PPWD1: variants seen among roughly 807,000 people sequenced by gnomAD.
PPWD1 encodes the protein peptidylprolyl isomerase domain and WD repeat containing 1.
Under a neutral mutation model 68.8 loss-of-function variants are expected in PPWD1, and 43 were observed. The observed-to-expected ratio is 0.62, with a 90% CI of 0.49 to 0.81. PPWD1 has a LOEUF of 0.81. Ranked by LOEUF, PPWD1 falls within the 30% of genes least tolerant of loss-of-function variation. The pLI is 0.00. For synonymous variants in PPWD1, 232 were observed against 258.7 expected, an observed-to-expected ratio of 0.90 and a Z score of 0.99; for missense variants, 672 against 804.8, an observed-to-expected ratio of 0.83 and a Z score of 2.00.
At chr5:65,577,653 C>T (rs939122037) in intron 6 of PPWD1, among the ~76,000 whole-genome samples, 4 of 152,172 alleles carry the variant, frequency 2.6e-5, no homozygotes, top group Non-Finnish European at 5.9e-5. Context: ...TTTTGCAGAA[C>T]AGTTAACAGA....
At chr5:65,564,335 T>G (rs1281975748) in intron 1 of PPWD1, among the ~76,000 whole-genome samples, 9 of 114,954 alleles carry the variant, frequency 7.8e-5, no homozygotes, top group Non-Finnish European at 1.7e-4. Context: ...TTTTTTTTTT[T>G]TTTTTTTGAG....
At chr5:65,573,476 T>TATATATATATATATAA (rs201295161) in intron 5 of PPWD1, among the ~76,000 whole-genome samples, 1 of 59,668 alleles carries the variant, frequency 1.7e-5, no homozygotes, top group African/African-American at 6.4e-5. Context: ...TATATATATA[T>TATATATATATATATAA]TTTTTTTTTA....
intron 1 of PPWD1, among the ~76,000 whole-genome samples, chr5:65,564,147 G>A (rs543257108): frequency 1.3e-5 from 2 of 152,156 alleles, no homozygotes; most frequent in Admixed American, 1.3e-4. Flanking sequence ...AAATAAAAGG[G>A]GTGGGAAAAG....
intron 4 of PPWD1, chr5:65,570,508 T>A: frequency 4.2e-6 from 1 of 236,298 alleles, no homozygotes. Flanking sequence ...TATACACATC[T>A]AAATGAATGT....
intron 6 of PPWD1, among the ~76,000 whole-genome samples, chr5:65,578,826 T>A (rs1753454877): frequency 6.9e-6 from 1 of 144,068 alleles, no homozygotes; most frequent in Non-Finnish European, 1.5e-5. Context: ...ATACTTTTTT[T>A]TAAAAAAAGA....
chr5:65,576,979 GATTA>G lies in PPWD1; in HGVS notation c.1077_1080del (p.Asn360Ter), dbSNP rs2150600597. Reference sequence around the variant, plus strand: ...GAGTTGGAGAAGGTTGATGCTGTAAGATTAATTAATATAGTTTTTGATGAAACTG... The same window carrying G: ...GAGTTGGAGAAGGTTGATGCTGTAAGATTAATATAGTTTTTGATGAAACTG... On this transcript the variant is annotated frameshift_variant, in exon 6 of 11. Coordinates refer to ENST00000261308, the MANE Select transcript of PPWD1 (RefSeq NM_015342.4). LOFTEE classifies it high-confidence loss of function. 1.2e-6 allele frequency: 2 copies of G among 1,614,158 alleles called. No homozygotes were observed. Among genetic ancestry groups the G allele is most frequent in the Non-Finnish European group, 1.7e-6 (2 of 1,180,008 alleles).
intron 10 of PPWD1, among the ~76,000 whole-genome samples, chr5:65,586,909 T>C (rs1433948607): frequency 6.6e-6 from 1 of 152,126 alleles, no homozygotes; most frequent in Non-Finnish European, 1.5e-5. Flanking sequence ...TGCCTCTGAA[T>C]AAACTGTTCA....
intron 3 of PPWD1, 50 bp downstream of exon 3, chr5:65,569,782 T>G (rs1437644983): frequency 1.3e-6 from 2 of 1,557,088 alleles, no homozygotes; most frequent in East Asian, 2.3e-5. Flanking sequence ...ACTATACTAA[T>G]TAAAGTTTAA....
chr5:65,586,243 C>G, intron 10 of PPWD1, 62 bp downstream of exon 10: 3 of 1,475,838 alleles, frequency 2.0e-6, no homozygotes, highest in Non-Finnish European at 2.8e-6. Context: ...AGAGAGTGAA[C>G]TCAGTAGAAG....
In PPWD1 at chr5:65,583,753, AG is replaced by A. The variant is rs572210110; in HGVS notation, c.1532+535del. Among the ~76,000 whole-genome samples, 442 of 152,280 alleles carry A rather than the reference AG, an allele frequency of 2.9e-3. 2 individuals are homozygous for A. Among genetic ancestry groups the A allele is most frequent in the Admixed American group, 5.6e-3 (85 of 15,282 alleles). ...CAGTGGAGGCCAGCAGTTTGAGACT[AG>A]CCCGAGCAACACGGCAAGACTCTAT... On this transcript the variant is annotated intron_variant, in intron 8 of 10. Coordinates refer to ENST00000261308, the MANE Select transcript of PPWD1 (RefSeq NM_015342.4).
chr5:65,569,816 A>G (rs1752938928), intron 3 of PPWD1, 62 bp from the exon 4 acceptor site: 1 of 1,553,678 alleles, frequency 6.4e-7, no homozygotes, highest in South Asian at 1.2e-5. Context: ...TTTTTCTTTG[A>G]ATCATGCACA....
chr5:65,587,038 A>G (rs1315193298), intron 10 of PPWD1, among the ~76,000 whole-genome samples: 1 of 152,164 alleles, frequency 6.6e-6, no homozygotes, highest in Non-Finnish European at 1.5e-5. Flanking sequence ...GCAGATATTT[A>G]ATTAAACATT....
intron 8 of PPWD1, 165 bp downstream of exon 8, chr5:65,583,384 T>A: frequency 2.6e-6 from 2 of 771,456 alleles, no homozygotes; most frequent in Non-Finnish European, 3.7e-6. Context: ...AGTGTTACGG[T>A]AGAAAATGGG....
rs1753897984 is a variant in PPWD1, at chr5:65,587,454, T to C, written c.*58T>C. Reference sequence around the variant, plus strand: ...AAATACAATATTAAACAGATTATTTTACATTAGGAAGCTTAGGACTTGCTG... The same window carrying C: ...AAATACAATATTAAACAGATTATTTCACATTAGGAAGCTTAGGACTTGCTG... On this transcript the variant is annotated 3_prime_UTR_variant, in exon 11 of 11. Transcript: ENST00000261308. 2 of 1,348,512 alleles carry C rather than the reference T, an allele frequency of 1.5e-6. No homozygotes were observed. The highest frequency in any genetic ancestry group is 2.0e-6 in the Non-Finnish European group (2 of 993,692). 83.5% of individuals were successfully genotyped at this position (1,348,512 alleles called of 1,614,324 possible). A position where few individuals can be genotyped will look rare whatever the true frequency, so the allele number is the denominator to read the frequency against.
At chr5:65,574,470 T>A (rs943394034) in intron 5 of PPWD1, among the ~76,000 whole-genome samples, 9 of 133,636 alleles carry the variant, frequency 6.7e-5, no homozygotes, top group Non-Finnish European at 1.5e-4. Flanking sequence ...TTTTTTTTTT[T>A]TTTTGAGACG....
At position 65,563,758 on chromosome 5, in the gene PPWD1, T is replaced by C. The variant is rs1430172331; in HGVS notation, c.196+252T>C. On this transcript the variant is annotated intron_variant, in intron 1 of 10. Coordinates refer to ENST00000261308, the MANE Select transcript of PPWD1 (RefSeq NM_015342.4). ...TTATGACAGATGCTAAAACTAACAT[T>C]TTCCTATTCTTATGTGTTTGGCTCC... The C allele has an allele frequency of 6.2e-6, 9 of 1,461,552 alleles. No individual in the cohort carries two copies. The East Asian group carries it at 1.7e-4, about 28-fold the overall frequency. The allele number at this position is 1,461,552 out of a possible 1,614,324, so 90.5% of individuals were successfully genotyped here. A position where few individuals can be genotyped will look rare whatever the true frequency, so the allele number is the denominator to read the frequency against.
intron 10 of PPWD1, among the ~76,000 whole-genome samples, 187 bp downstream of exon 10, chr5:65,586,368 T>C (rs573659468): frequency 8.5e-5 from 13 of 152,284 alleles, no homozygotes; most frequent in Non-Finnish European, 1.5e-4. Context: ...GGTAAAACAA[T>C]ACTGCCACTG....
intron 6 of PPWD1, among the ~76,000 whole-genome samples, chr5:65,577,504 A>G (rs1029320723): frequency 1.3e-5 from 2 of 152,226 alleles, no homozygotes; most frequent in Admixed American, 6.5e-5. Flanking sequence ...TGGTCTTAGT[A>G]CAAAATAGCT....
At chr5:65,584,956 G>A in intron 8 of PPWD1, 58 bp from the exon 9 acceptor site, 1 of 1,568,430 alleles carries the variant, frequency 6.4e-7, no homozygotes, top group South Asian at 1.2e-5. Flanking sequence ...GAACTGCAAA[G>A]AAAACTGTTT....
Sources: allele counts gnomAD v4.1 joint callset (sites outside exome capture counted in the v4.1 genomes callset), GRCh38; gene constraint gnomAD v4.1.1; transcripts MANE v1.5; gene names NCBI Gene and HGNC (gene_info 2026-07-23, HGNC 2026-07-21).